SERPINI1: variants seen among roughly 807,000 people sequenced by gnomAD.
The protein encoded by SERPINI1 is neuroserpin.
Under a neutral mutation model 41.1 loss-of-function variants are expected in SERPINI1, and 19 were observed. The ratio of observed to expected loss-of-function variants is 0.46; its 90% CI spans 0.32 to 0.68. The LOEUF is 0.68. Ranked by LOEUF, SERPINI1 falls within the 30% of genes least tolerant of loss-of-function variation. The pLI is 0.03. For synonymous variants in SERPINI1, 138 were observed against 156.6 expected, an observed-to-expected ratio of 0.88 and a Z score of 0.89; for missense variants, 460 against 479.2, an observed-to-expected ratio of 0.96 and a Z score of 0.37.
chr3:167,807,167 A>G (rs774543599), intron 5 of SERPINI1, 77 bp from the exon 6 acceptor site: 11 of 984,840 alleles, frequency 1.1e-5, no homozygotes, highest in Non-Finnish European at 1.8e-5. Context: ...TTAAATATCC[A>G]CATATCTAAC....
intron 1 of SERPINI1, among the ~76,000 whole-genome samples, chr3:167,766,887 A>T (rs957457234): frequency 2.0e-5 from 3 of 152,258 alleles, no homozygotes; most frequent in Non-Finnish European, 4.4e-5. Flanking sequence ...GGTTTAAGAA[A>T]GGAAGCCATC....
chr3:167,781,234 A>G (rs1366849611), intron 1 of SERPINI1, among the ~76,000 whole-genome samples: 3 of 147,706 alleles, frequency 2.0e-5, no homozygotes, highest in Admixed American at 2.0e-4. Context: ...GCTAGTATTA[A>G]CCAAAGTTAA....
At chr3:167,785,169 G>T (rs987168227) in intron 1 of SERPINI1, among the ~76,000 whole-genome samples, 1 of 152,094 alleles carries the variant, frequency 6.6e-6, no homozygotes, top group Non-Finnish European at 1.5e-5. Context: ...GCTTGAACTC[G>T]GGAGGTGGAG....
intron 1 of SERPINI1, among the ~76,000 whole-genome samples, chr3:167,750,540 G>A (rs1726010515): frequency 6.6e-6 from 1 of 152,190 alleles, no homozygotes; most frequent in Admixed American, 6.5e-5. Flanking sequence ...TTTACAGGAG[G>A]CAGTGGGTGT....
chr3:167,754,835 T>A (rs191146927), intron 1 of SERPINI1, among the ~76,000 whole-genome samples: 12 of 152,302 alleles, frequency 7.9e-5, no homozygotes, highest in African/African-American at 2.9e-4. Context: ...GAGTTCAGGT[T>A]CAAGCTATTT....
At chr3:167,800,162 C>A (rs970865840) in intron 5 of SERPINI1, 36 of 151,920 alleles carry the variant, frequency 2.4e-4, no homozygotes, top group African/African-American at 8.0e-4. Flanking sequence ...AATGAAATAC[C>A]GCAAGATTTA....
At chr3:167,807,909 G>A (rs910487434) in intron 6 of SERPINI1, among the ~76,000 whole-genome samples, 4 of 152,044 alleles carry the variant, frequency 2.6e-5, no homozygotes, top group Non-Finnish European at 5.9e-5. Context: ...CTGAGGTCAG[G>A]AGTTTGAGAC....
intron 4 of SERPINI1, among the ~76,000 whole-genome samples, chr3:167,793,596 A>ATATATATATATTTTTTTTTT: frequency 8.1e-4 from 114 of 140,594 alleles, no homozygotes; most frequent in African/African-American, 3.0e-3. Flanking sequence ...ATATATATAT[A>ATATATATATATTTTTTTTTT]TTTTTAATTA....
intron 6 of SERPINI1, among the ~76,000 whole-genome samples, chr3:167,813,216 T>C (rs1711952474): frequency 6.6e-6 from 1 of 152,240 alleles, no homozygotes; most frequent in South Asian, 2.1e-4. Context: ...ATTCTTCTAC[T>C]TTCTTGCCTG....
At chr3:167,809,606 C>G (rs1406524966) in intron 6 of SERPINI1, among the ~76,000 whole-genome samples, 1 of 152,152 alleles carries the variant, frequency 6.6e-6, no homozygotes, top group Non-Finnish European at 1.5e-5. Context: ...GGAAATAACA[C>G]TAGAATCTTC....
At chr3:167,768,948 G>A (rs1335981245) in intron 1 of SERPINI1, among the ~76,000 whole-genome samples, 1 of 152,026 alleles carries the variant, frequency 6.6e-6, no homozygotes, top group Non-Finnish European at 1.5e-5. Context: ...CAGTATGCCT[G>A]TCTCCAGGAG....
chr3:167,738,614 T>A (rs1177191786), intron 1 of SERPINI1, among the ~76,000 whole-genome samples: 1 of 151,966 alleles, frequency 6.6e-6, no homozygotes, highest in Non-Finnish European at 1.5e-5. Context: ...CATTAATTTG[T>A]AGAGGCCTGT....
chr3:167,811,104 T>C (rs950830843), intron 6 of SERPINI1, among the ~76,000 whole-genome samples: 1 of 151,966 alleles, frequency 6.6e-6, no homozygotes, highest in Non-Finnish European at 1.5e-5. Flanking sequence ...CTGTCAGTTA[T>C]AAAAGTCAGA....
At chr3:167,785,621 G>T (rs901736945) in intron 1 of SERPINI1, among the ~76,000 whole-genome samples, 1 of 152,134 alleles carries the variant, frequency 6.6e-6, no homozygotes, top group African/African-American at 2.4e-5. Context: ...TAAGGTGATT[G>T]CAAAGTTTAA....
At chr3:167,790,655 A>T in intron 3 of SERPINI1, 53 bp downstream of exon 3, 1 of 1,308,640 alleles carries the variant, frequency 7.6e-7, no homozygotes, top group Non-Finnish European at 1.1e-6. Flanking sequence ...AACTGTCTTT[A>T]ACTTCTGAAA....
At chr3:167,805,207 C>G (rs1196607139) in intron 5 of SERPINI1, among the ~76,000 whole-genome samples, 1 of 152,158 alleles carries the variant, frequency 6.6e-6, no homozygotes, top group African/African-American at 2.4e-5. Flanking sequence ...TCGCTAGCAT[C>G]TGTTGTTTCC....
At chr3:167,767,922 T>A (rs1726617597) in intron 1 of SERPINI1, among the ~76,000 whole-genome samples, 1 of 152,200 alleles carries the variant, frequency 6.6e-6, no homozygotes, top group Non-Finnish European at 1.5e-5. Context: ...GGAGGTGGAA[T>A]CTACTGGTGA....
chr3:167,773,039 T>G (rs955634715), intron 1 of SERPINI1, among the ~76,000 whole-genome samples: 6 of 150,610 alleles, frequency 4.0e-5, no homozygotes, highest in Non-Finnish European at 7.4e-5. Context: ...TTGGTAGTGC[T>G]TAAGACAAGA....
rs1320421310 is a variant in SERPINI1, at chr3:167,789,090, AT to A, written c.-18-20del. 4 of 1,607,340 alleles carry A rather than the reference AT, an allele frequency of 2.5e-6. No homozygotes were observed. The highest frequency in any genetic ancestry group is 3.4e-6 in the Non-Finnish European group (4 of 1,176,798). ...GTTATAGAGATAACTAATAATTAAT[AT>A]GTAAATTGTTGTTTTTTAGGCTTGA... On this transcript the variant is annotated intron_variant, in intron 1 of 8. Coordinates refer to ENST00000446050, the MANE Select transcript of SERPINI1 (RefSeq NM_001122752.2).
Sources: allele counts gnomAD v4.1 joint callset (sites outside exome capture counted in the v4.1 genomes callset), GRCh38; gene constraint gnomAD v4.1.1; transcripts MANE v1.5; gene names NCBI Gene and HGNC (gene_info 2026-07-23, HGNC 2026-07-21).